The following DOCK11 variants were observed in gnomAD, a reference collection of about 807,000 sequenced individuals.
DOCK11 encodes dedicator of cytokinesis protein 11.
In DOCK11, 70 loss-of-function variants were observed where a neutral mutation model predicts 169.1. The ratio of observed to expected loss-of-function variants is 0.41; its 90% CI spans 0.34 to 0.51. The LOEUF is 0.51. Ranked by LOEUF, DOCK11 falls within the 20% of genes least tolerant of loss-of-function variation. The probability of loss-of-function intolerance (pLI) is 0.10; values close to 1 mark genes in which losing one functional copy is unlikely to be tolerated. For synonymous variants in DOCK11, 529 were observed against 541.3 expected (o/e 0.98, Z 0.32); for missense variants, 1,166 against 1,538.8 (o/e 0.76, Z 4.05).
chrX:118,511,113 G>T (rs1345043209), intron 1 of DOCK11, among the ~76,000 whole-genome samples: 1 of 111,869 alleles, frequency 8.9e-6, no homozygotes, highest in Non-Finnish European at 1.9e-5. Context: ...TTTTTACCTT[G>T]GTTCTAATTG....
At chrX:118,559,933 C>T (rs187680302) in intron 6 of DOCK11, among the ~76,000 whole-genome samples, 65 of 109,656 alleles carry the variant, frequency 5.9e-4, no homozygotes, top group African/African-American at 2.0e-3. Context: ...CTTTCTGTTC[C>T]TTTGCATACT....
Position 118,608,306 on chromosome X carries a change from G to C in DOCK11, c.2827G>C (p.Ala943Pro). The C allele has an allele frequency of 8.3e-7, 1 of 1,210,803 alleles. No individual in the cohort carries two copies. The highest frequency in any genetic ancestry group is 1.1e-6 in the Non-Finnish European group (1 of 894,961). ...TGAAACCCTGGCTACTACGATGATA[G>C]CAATATTGAAACAGTCTGCAGATTT... ...IHETLATTMI[A>P]ILKQSADFLS... The change falls in exon 26 of 53, where the codon GCA (alanine) becomes CCA (proline). Residue 943 changes from alanine (A) to proline (P), a missense_variant. Physicochemically the swap from Ala to Pro is conservative, Grantham distance 27. Transcript: ENST00000276202.
intron 45 of DOCK11, among the ~76,000 whole-genome samples, chrX:118,665,425 C>T (rs1463788696): frequency 8.9e-6 from 1 of 112,174 alleles, no homozygotes; most frequent in Non-Finnish European, 1.9e-5. Context: ...CAGAGGATTT[C>T]ATGGGGCTTA....
chrX:118,525,055 G>T (rs1787134419), intron 1 of DOCK11, among the ~76,000 whole-genome samples: 1 of 110,147 alleles, frequency 9.1e-6, no homozygotes, highest in African/African-American at 3.3e-5. Context: ...TGAGGCAGGA[G>T]AATCACTTGA....
At chrX:118,580,054 A>G in intron 13 of DOCK11, 43 bp from the exon 14 acceptor site, 1 of 1,126,512 alleles carries the variant, frequency 8.9e-7, no homozygotes. Flanking sequence ...GGTCCATGGC[A>G]GTTTGAACAA....
At chrX:118,632,969 T>TGGGGGGGGGGGGGGGGGGGGGGGG (rs766019635) in intron 35 of DOCK11, 1 of 35,830 alleles carries the variant, frequency 2.8e-5, no homozygotes, top group Non-Finnish European at 4.5e-5. Context: ...TGGGGGGCGG[T>TGGGGGGGGGGGGGGGGGGGGGGGG]GGGGGGGGGG....
chrX:118,637,317 A>T (rs2015415584), intron 36 of DOCK11, among the ~76,000 whole-genome samples: 1 of 111,616 alleles, frequency 9.0e-6, no homozygotes, highest in Non-Finnish European at 1.9e-5. Flanking sequence ...CTGGGGGATG[A>T]TTGGGTATGT....
intron 1 of DOCK11, among the ~76,000 whole-genome samples, chrX:118,511,266 A>G (rs2057649692): frequency 1.8e-5 from 2 of 112,176 alleles, no homozygotes; most frequent in Non-Finnish European, 3.8e-5. Context: ...GAGACAAAAT[A>G]CACATTCACT....
At chrX:118,502,874 A>G (rs1006142583) in intron 1 of DOCK11, among the ~76,000 whole-genome samples, 3 of 110,970 alleles carry the variant, frequency 2.7e-5, no homozygotes, top group African/African-American at 9.8e-5. Context: ...GTGTGAGCCG[A>G]GAAGCCGGGG....
At chrX:118,523,677 A>G (rs1248958517) in intron 1 of DOCK11, among the ~76,000 whole-genome samples, 1 of 112,209 alleles carries the variant, frequency 8.9e-6, no homozygotes, top group African/African-American at 3.2e-5. Flanking sequence ...AGCCATTTCT[A>G]GAGGATTTGA....
At chrX:118,647,801 A>ATG (rs1429854963) in intron 40 of DOCK11, among the ~76,000 whole-genome samples, 1 of 46,383 alleles carries the variant, frequency 2.2e-5, no homozygotes, top group Non-Finnish European at 3.4e-5. Context: ...ATTATAATAT[A>ATG]TAATAATATA....
At chrX:118,593,830 G>GGT (rs1393415372) in intron 20 of DOCK11, among the ~76,000 whole-genome samples, 1 of 111,600 alleles carries the variant, frequency 9.0e-6, no homozygotes, top group Non-Finnish European at 1.9e-5. Context: ...AAAGTTCATT[G>GGT]GTAAAATGCA....
At position 118,588,328 on chromosome X, in the gene DOCK11, A is replaced by C; in HGVS notation, c.1980+7A>C. 3 of 1,167,910 alleles carry C rather than the reference A, an allele frequency of 2.6e-6. No individual in the cohort carries two copies. The African/African-American group carries it at 5.3e-5, about 21-fold the overall frequency. ...CCAGAAAACATTTGCCAAGGTAACC[A>C]TGTAAACTATACATTTTTGGAGTAT... On this transcript the variant is annotated splice_region_variant and intron_variant, in intron 17 of 52. Coordinates refer to ENST00000276202, the MANE Select transcript of DOCK11 (RefSeq NM_144658.4).
intron 40 of DOCK11, among the ~76,000 whole-genome samples, chrX:118,647,995 A>AATATATTATTATATATAATATATAATAAT (rs1569441018): frequency 2.0e-5 from 1 of 49,097 alleles, no homozygotes; most frequent in African/African-American, 8.7e-5. Context: ...AATAATATAT[A>AATATATTATTATATATAATATATAATAAT]ATATATTATT....
At chrX:118,532,608 G>A (rs1025646929) in intron 1 of DOCK11, among the ~76,000 whole-genome samples, 2 of 109,125 alleles carry the variant, frequency 1.8e-5, no homozygotes, top group African/African-American at 3.3e-5. Flanking sequence ...GTGAAACCCC[G>A]TCTCTACTAA....
rs759435308 is a variant in DOCK11, at chrX:118,588,169, C to T, written c.1828C>T (p.Pro610Ser). The change falls in exon 17 of 53, where the codon CCT becomes TCT. Residue 610 changes from proline (P) to serine (S), a missense_variant. Pro to Ser is a moderately conservative substitution (Grantham distance 74, BLOSUM62 -1). Coordinates refer to ENST00000276202, the MANE Select transcript of DOCK11 (RefSeq NM_144658.4). ...CITSSYVPLK[P>S]FEKNCQNITV... is the part of the protein sequence containing the mutation. ...TACTTCTTCATATGTGCCCTTGAAG[C>T]CTTTTGAAAAGAATTGCCAAAATAT... 1.7e-6 allele frequency: 2 copies of T among 1,198,431 alleles called. No homozygotes were observed. Among genetic ancestry groups the T allele is most frequent in the African/African-American group, 3.5e-5 (2 of 57,136 alleles).
chrX:118,584,690 C>G, intron 14 of DOCK11, 45 bp from the exon 15 acceptor site: 5 of 1,070,857 alleles, frequency 4.7e-6, no homozygotes, highest in Non-Finnish European at 6.2e-6. Context: ...AATTTATCAA[C>G]ATGGAATTTT....
intron 48 of DOCK11, 78 bp from the exon 49 acceptor site, chrX:118,680,404 C>T (rs1251846226): frequency 1.2e-5 from 7 of 578,894 alleles, no homozygotes; most frequent in Non-Finnish European, 1.7e-5. Flanking sequence ...AGTAGGTTAC[C>T]TTATCTCCTT....
chrX:118,612,329 T>C (rs181542160), intron 28 of DOCK11, among the ~76,000 whole-genome samples: 25 of 112,247 alleles, frequency 2.2e-4, no homozygotes, highest in African/African-American at 7.7e-4. Context: ...GCCTTTTTTG[T>C]GTATTAAAAA....
Sources: gnomAD v4.1 joint callset for allele counts (sites outside exome capture counted in the v4.1 genomes callset) on GRCh38, gnomAD v4.1.1 for gene constraint, MANE v1.5 for transcripts, NCBI Gene and HGNC (gene_info 2026-07-23, HGNC 2026-07-21) for gene names.